FLNB: variants seen among roughly 807,000 people sequenced by gnomAD.
FLNB encodes filamin-B.
FLNB carries 111 observed loss-of-function variants against 250.6 expected under a neutral mutation model. The ratio of observed to expected loss-of-function variants is 0.44; its 90% CI spans 0.38 to 0.52. The LOEUF is 0.52. FLNB is among the 20% of genes least tolerant of loss of function. The probability of loss-of-function intolerance (pLI) is 0.00; values close to 1 mark genes in which losing one functional copy is unlikely to be tolerated. For synonymous variants in FLNB, 1,302 were observed against 1,372.1 expected (o/e 0.95, Z 1.13); for missense variants, 2,869 against 3,447.8 (o/e 0.83, Z 4.20).
In FLNB at chr3:58,142,822, A is replaced by G; in HGVS notation, c.5284+70A>G. Reference sequence around the variant, plus strand: ...CGAGCTTCCCAGAATGGTGCTGGGGAGGTGTGTCCACTGTCCCCCAGACCC... The same window carrying G: ...CGAGCTTCCCAGAATGGTGCTGGGGGGGTGTGTCCACTGTCCCCCAGACCC... On this transcript the variant is annotated intron_variant, in intron 31 of 45. Coordinates refer to ENST00000295956, the MANE Select transcript of FLNB (RefSeq NM_001457.4). This position sits in a 1 kb window ranked among gnomAD's most constrained non-coding sequence, Gnocchi z 4.3. 1 of 1,367,040 alleles carries G rather than the reference A, an allele frequency of 7.3e-7. No homozygotes were observed. The highest frequency in any genetic ancestry group is 1.2e-5 in the South Asian group (1 of 85,520). 84.7% of individuals were successfully genotyped at this position (1,367,040 alleles called of 1,614,324 possible). A position where few individuals can be genotyped will look rare whatever the true frequency, so the allele number is the denominator to read the frequency against.
chr3:58,077,586 C>T (rs1385630322), intron 2 of FLNB, among the ~76,000 whole-genome samples: 1 of 152,222 alleles, frequency 6.6e-6, no homozygotes, highest in African/African-American at 2.4e-5. Flanking sequence ...GTTCCAGACT[C>T]CAAAATCCTG....
chr3:58,156,621 G>C (rs139697265), intron 41 of FLNB, among the ~76,000 whole-genome samples: 318 of 152,294 alleles, frequency 2.1e-3, no homozygotes, highest in African/African-American at 6.2e-3. Flanking sequence ...AGAGATACAA[G>C]GAGGTTTTGT....
At chr3:58,075,153 TTG>T (rs1185032076) in intron 1 of FLNB, among the ~76,000 whole-genome samples, 1 of 152,012 alleles carries the variant, frequency 6.6e-6, no homozygotes, top group Admixed American at 6.6e-5. Context: ...GTGGTCGTGG[TTG>T]GGTTTCATTA....
Position 58,169,875 on chromosome 3 carries a change from G to A in FLNB, c.7621+82G>A. ...GGGTACACTGGCCTTCCCTGCTGAG[G>A]TCTCCTGCAGTGCCCACCCCCATGT... On this transcript the variant is annotated intron_variant, in intron 45 of 45. Transcript: ENST00000295956. This position sits in a 1 kb window ranked among gnomAD's most constrained non-coding sequence, Gnocchi z 4.8. 5.4e-6 allele frequency: 6 copies of A among 1,109,090 alleles called. No individual in the cohort carries two copies. The highest frequency in any genetic ancestry group is 8.0e-6 in the Non-Finnish European group (6 of 750,680). The allele number at this position is 1,109,090 out of a possible 1,614,324, so 68.7% of individuals were successfully genotyped here. A position where few individuals can be genotyped will look rare whatever the true frequency, so the allele number is the denominator to read the frequency against.
At chr3:58,016,976 A>G (rs1016039263) in intron 1 of FLNB, among the ~76,000 whole-genome samples, 8 of 152,354 alleles carry the variant, frequency 5.3e-5, no homozygotes, top group African/African-American at 1.9e-4. Context: ...AAATTGGCTC[A>G]GGTTATTGTA....
intron 1 of FLNB, among the ~76,000 whole-genome samples, chr3:58,042,512 C>G (rs1374954239): frequency 6.6e-6 from 1 of 151,868 alleles, no homozygotes. Flanking sequence ...CCATGCCCAG[C>G]AAATTTATTT....
intron 30 of FLNB, 34 bp downstream of exon 30, chr3:58,141,963 G>T: frequency 6.4e-7 from 1 of 1,570,298 alleles, no homozygotes; most frequent in Non-Finnish European, 8.8e-7. Flanking sequence ...TTGTGTTTCT[G>T]TGTTTACTCA....
At chr3:58,158,934 T>C (rs2097357232) in intron 41 of FLNB, among the ~76,000 whole-genome samples, 1 of 152,170 alleles carries the variant, frequency 6.6e-6, no homozygotes, top group Non-Finnish European at 1.5e-5. Context: ...ATCTTTATAG[T>C]AGCCCTCGAG....
At position 58,138,478 on chromosome 3, in the gene FLNB, C is replaced by A; in HGVS notation, c.5058C>A (p.Ile1686=). 6.2e-7 allele frequency: 1 copy of A among 1,613,978 alleles called. No homozygotes were observed. Among genetic ancestry groups the A allele is most frequent in the Non-Finnish European group, 8.5e-7 (1 of 1,179,810 alleles). Residue 1686 remains isoleucine (I), a synonymous_variant, in exon 29 of 46, where the codon ATC becomes ATA. Coordinates refer to ENST00000295956, the MANE Select transcript of FLNB (RefSeq NM_001457.4). ...CTGCCAAGCCGGGCACATATGTGAT[C>A]TATGTGCGCTTCGGTGGTGTTGATA... ...YTAAKPGTYV[I]YVRFGGVDIP... is the part of the protein sequence containing the mutation.
intron 4 of FLNB, among the ~76,000 whole-genome samples, chr3:58,093,194 C>T (rs1467885237): frequency 6.6e-6 from 1 of 152,142 alleles, no homozygotes; most frequent in Non-Finnish European, 1.5e-5. Flanking sequence ...ATAGAGGATA[C>T]AGATGATGCC....
intron 32 of FLNB, 138 bp downstream of exon 32, chr3:58,143,751 C>T: frequency 9.6e-7 from 1 of 1,042,442 alleles, no homozygotes; most frequent in Non-Finnish European, 1.4e-6. Flanking sequence ...CCCTGTGAAA[C>T]CAAACAGTCT....
intron 1 of FLNB, among the ~76,000 whole-genome samples, chr3:58,039,711 G>T (rs2097143335): frequency 6.6e-6 from 1 of 152,152 alleles, no homozygotes; most frequent in Non-Finnish European, 1.5e-5. Flanking sequence ...ATTTGCTTTT[G>T]GAAGGACACC....
intron 1 of FLNB, among the ~76,000 whole-genome samples, chr3:58,052,035 C>T (rs953219200): frequency 2.0e-5 from 3 of 152,028 alleles, no homozygotes; most frequent in African/African-American, 7.2e-5. Flanking sequence ...TCCAGGCACG[C>T]GCCGCCACAC....
intron 1 of FLNB, among the ~76,000 whole-genome samples, chr3:58,075,394 G>A (rs1265820023): frequency 2.6e-5 from 4 of 152,190 alleles, no homozygotes. Context: ...GAGGATGGGT[G>A]AAGGTCTTCC....
At chr3:58,051,616 C>A (rs767932696) in intron 1 of FLNB, among the ~76,000 whole-genome samples, 30 of 152,060 alleles carry the variant, frequency 2.0e-4, no homozygotes, top group Admixed American at 5.2e-4. Context: ...TTTTAAATTG[C>A]TGATACTCCA....
chr3:58,077,946 C>A (rs1269132198), intron 2 of FLNB, among the ~76,000 whole-genome samples: 2 of 152,058 alleles, frequency 1.3e-5, no homozygotes, highest in Non-Finnish European at 2.9e-5. Context: ...AGTTTACACA[C>A]ACCCCCTAAA....
At chr3:58,111,698 GAGTGATGCTA>G in intron 16 of FLNB, 83 bp from the exon 17 acceptor site, 1 of 904,092 alleles carries the variant, frequency 1.1e-6, no homozygotes. Flanking sequence ...CGCTAAGTCA[GAGTGATGCTA>G]AGGTTCACCC....
chr3:58,084,780 C>T (rs2097214766), intron 4 of FLNB, among the ~76,000 whole-genome samples: 1 of 152,150 alleles, frequency 6.6e-6, no homozygotes, highest in African/African-American at 2.4e-5. Flanking sequence ...CTCTCCTCTG[C>T]TCCTGGTAAC....
chr3:58,037,772 GT>G (rs556194127), intron 1 of FLNB, among the ~76,000 whole-genome samples: 222 of 151,684 alleles, frequency 1.5e-3, no homozygotes, highest in African/African-American at 4.8e-3. Flanking sequence ...TTTTGTGAAT[GT>G]TTTTTTTCTT....
Sources: allele counts gnomAD v4.1 joint callset (sites outside exome capture counted in the v4.1 genomes callset), GRCh38; gene constraint gnomAD v4.1.1; non-coding constraint Gnocchi (gnomAD v3.1); transcripts MANE v1.5; gene names NCBI Gene and HGNC (gene_info 2026-07-23, HGNC 2026-07-21).